The following ENOX2 variants were observed in gnomAD, a reference collection of about 807,000 sequenced individuals.
ENOX2 encodes the protein APK1 antigen.
Under a neutral mutation model 45.0 loss-of-function variants are expected in ENOX2, and 36 were observed. The observed-to-expected ratio is 0.80, with a 90% confidence interval of 0.61 to 1.06. ENOX2 has a LOEUF of 1.06. ENOX2 is among the 50% of genes least tolerant of loss of function. ENOX2 has a pLI of 0.00. For missense variants in ENOX2, 423 were observed against 462.5 expected (o/e 0.91, Z 0.78); for synonymous variants, 174 against 152.3 (o/e 1.14, Z -1.05).
intron 2 of ENOX2, among the ~76,000 whole-genome samples, chrX:130,842,895 A>G (rs2078039000): frequency 9.0e-6 from 1 of 110,867 alleles, no homozygotes; most frequent in Admixed American, 9.6e-5. Flanking sequence ...ACACCTCAAG[A>G]GGTCTGTGGA....
At chrX:130,886,149 T>C (rs2078898091) in intron 2 of ENOX2, among the ~76,000 whole-genome samples, 1 of 112,792 alleles carries the variant, frequency 8.9e-6, no homozygotes, top group Non-Finnish European at 1.9e-5. Context: ...AGGTTCACTG[T>C]ATGCTCTTCA....
At chrX:130,657,360 C>G in intron 9 of ENOX2, among the ~76,000 whole-genome samples, 1 of 111,610 alleles carries the variant, frequency 9.0e-6, no homozygotes, top group Non-Finnish European at 1.9e-5. Flanking sequence ...GCAATTTAGT[C>G]TGAGGTAGAC....
chrX:130,849,052 GAGA>G (rs2078160918), intron 2 of ENOX2, among the ~76,000 whole-genome samples: 1 of 112,262 alleles, frequency 8.9e-6, no homozygotes, highest in East Asian at 2.8e-4. Flanking sequence ...GAGAAGCAGT[GAGA>G]AGGATAAATC....
intron 2 of ENOX2, among the ~76,000 whole-genome samples, chrX:130,798,487 T>C (rs901741528): frequency 2.2e-4 from 25 of 111,880 alleles, no homozygotes; most frequent in African/African-American, 8.1e-4. Flanking sequence ...TTGTGTGGTA[T>C]AAGTACGTTA....
At chrX:130,652,247 A>G (rs1028316806) in intron 10 of ENOX2, among the ~76,000 whole-genome samples, 3 of 111,727 alleles carry the variant, frequency 2.7e-5, no homozygotes, top group Non-Finnish European at 5.7e-5. Context: ...GGTTTCCACA[A>G]CCCAATTCGT....
intron 12 of ENOX2, among the ~76,000 whole-genome samples, chrX:130,632,540 C>G (rs1332882447): frequency 1.8e-5 from 2 of 111,240 alleles, no homozygotes; most frequent in African/African-American, 3.3e-5. Context: ...TAAAAGAAAT[C>G]ACTGCTTCTT....
intron 3 of ENOX2, among the ~76,000 whole-genome samples, chrX:130,739,642 C>T (rs927081070): frequency 1.3e-4 from 14 of 111,962 alleles, no homozygotes; most frequent in African/African-American, 2.0e-4. Context: ...AACAACCCAC[C>T]GAGGTGAGGA....
Position 130,679,735 on chromosome X carries a change from A to C in ENOX2, c.267T>G (p.Pro89=). 2 of 1,207,189 alleles carry C rather than the reference A, an allele frequency of 1.7e-6. No homozygotes were observed. The highest frequency in any genetic ancestry group is 2.2e-6 in the Non-Finnish European group (2 of 891,140). The change falls in exon 6 of 15, where the codon CCT becomes CCG. Residue 89 remains proline, a synonymous_variant. Coordinates refer to ENST00000394363, the MANE Select transcript of ENOX2 (RefSeq NM_006375.4). Reference sequence around the variant, plus strand: ...ATCCTGGTGGTCTTTCTCGGGTTGCAGGAGGTGGGAGATCTAAGTTGTAAG... The same window carrying C: ...ATCCTGGTGGTCTTTCTCGGGTTGCCGGAGGTGGGAGATCTAAGTTGTAAG... ...LFPPNPNLPP[P]ATRERPPGCK... is the part of the protein sequence containing the mutation.
chrX:130,708,301 G>A (rs987608918), intron 3 of ENOX2, among the ~76,000 whole-genome samples: 2 of 111,692 alleles, frequency 1.8e-5, no homozygotes, highest in African/African-American at 6.5e-5. Context: ...AGTGGTCCCA[G>A]CCCTCGGGGG....
intron 2 of ENOX2, among the ~76,000 whole-genome samples, chrX:130,822,125 G>A (rs1348375281): frequency 9.4e-6 from 1 of 105,957 alleles, no homozygotes; most frequent in Non-Finnish European, 1.9e-5. Context: ...AGGAGAGGAA[G>A]TGAAACGAGA....
intron 2 of ENOX2, among the ~76,000 whole-genome samples, chrX:130,872,020 G>A (rs1043583504): frequency 8.9e-6 from 1 of 111,895 alleles, no homozygotes; most frequent in Admixed American, 9.5e-5. Flanking sequence ...AGACAATGGT[G>A]TTCCTTCCCC....
chrX:130,823,306 G>A (rs1239584512), intron 2 of ENOX2, among the ~76,000 whole-genome samples: 1 of 111,916 alleles, frequency 8.9e-6, no homozygotes, highest in Non-Finnish European at 1.9e-5. Context: ...GAGAGTGTTG[G>A]TGAGTGGCAG....
chrX:130,848,076 A>C (rs1288174650), intron 2 of ENOX2, among the ~76,000 whole-genome samples: 2 of 111,967 alleles, frequency 1.8e-5, no homozygotes, highest in African/African-American at 6.5e-5. Context: ...TCTGTCGCCC[A>C]GGCTGGAGTG....
At chrX:130,814,939 C>A (rs1193976042) in intron 2 of ENOX2, among the ~76,000 whole-genome samples, 2 of 111,266 alleles carry the variant, frequency 1.8e-5, no homozygotes, top group Non-Finnish European at 3.8e-5. Context: ...TGGGTAATAA[C>A]AAACTCCTCC....
chrX:130,898,249 C>T (rs1377349387), intron 2 of ENOX2, among the ~76,000 whole-genome samples: 1 of 111,965 alleles, frequency 8.9e-6, no homozygotes, highest in Non-Finnish European at 1.9e-5. Flanking sequence ...CTCAGGTGAT[C>T]CGCCTGCCTT....
intron 3 of ENOX2, among the ~76,000 whole-genome samples, chrX:130,714,783 C>A (rs776798609): frequency 1.8e-5 from 2 of 111,355 alleles, no homozygotes; most frequent in African/African-American, 6.5e-5. Context: ...AACTACTGTA[C>A]GGTTTGAAAA....
chrX:130,743,135 C>T (rs1337701828), intron 3 of ENOX2, among the ~76,000 whole-genome samples: 3 of 111,139 alleles, frequency 2.7e-5, no homozygotes, highest in South Asian at 3.8e-4. Context: ...CCCAAAACTA[C>T]GAAAGCGGAA....
intron 1 of ENOX2, among the ~76,000 whole-genome samples, chrX:130,902,042 C>T (rs1454133645): frequency 9.0e-6 from 1 of 111,193 alleles, no homozygotes; most frequent in Non-Finnish European, 1.9e-5. Context: ...GATTAAAATT[C>T]ACCTCCTTCA....
chrX:130,834,632 C>T (rs1296756567), intron 2 of ENOX2, among the ~76,000 whole-genome samples: 2 of 110,207 alleles, frequency 1.8e-5, no homozygotes. Flanking sequence ...TCATAAAACT[C>T]TGATCTCATA....
Sources: gnomAD v4.1 joint callset for allele counts (sites outside exome capture counted in the v4.1 genomes callset) on GRCh38, gnomAD v4.1.1 for gene constraint, MANE v1.5 for transcripts, NCBI Gene and HGNC (gene_info 2026-07-23, HGNC 2026-07-21) for gene names.